The following IKZF1 variants were observed in gnomAD, a reference collection of about 807,000 sequenced individuals.
IKZF1 encodes IKAROS family zinc finger 1.
In IKZF1, 10 loss-of-function variants were observed where a neutral mutation model predicts 51.7. The observed-to-expected ratio is 0.19, with a 90% confidence interval of 0.12 to 0.33. IKZF1 has a LOEUF of 0.33. IKZF1 is among the 10% of genes least tolerant of loss of function. The pLI is 1.00. For synonymous variants in IKZF1, 280 were observed against 282.3 expected, an observed-to-expected ratio of 0.99 and a Z score of 0.08; for missense variants, 484 against 707.5, an observed-to-expected ratio of 0.68 and a Z score of 3.58.
At position 50,400,368 on chromosome 7, in the gene IKZF1, C is replaced by T. The variant is rs760920682; in HGVS notation, c.1301C>T (p.Ala434Val). The T allele has an allele frequency of 2.3e-5, 37 of 1,612,980 alleles. No individual in the cohort carries two copies. Among genetic ancestry groups the T allele is most frequent in the Non-Finnish European group, 2.5e-5 (30 of 1,179,778 alleles). The stretch of plus-strand genomic sequence containing the variant: ...CTGTCGCTCAAGGAGGAGCACCGCG[C>T]CTACGACCTGCTGCGCGCCGCCTCC... Reference protein sequence around the residue: ...NGLSLKEEHRAYDLLRAASEN... With the variant: ...NGLSLKEEHRVYDLLRAASEN... The change falls in exon 8 of 8, where the codon GCC becomes GTC. Residue 434 changes from alanine (A) to valine (V), a missense_variant. Coordinates refer to ENST00000331340, the MANE Select transcript of IKZF1 (RefSeq NM_006060.6). The surrounding 1 kb of genome is among the most constrained non-coding windows in gnomAD (Gnocchi z 5.4).
At chr7:50,351,303 A>G (rs1584692793) in intron 3 of IKZF1, among the ~76,000 whole-genome samples, 1 of 152,352 alleles carries the variant, frequency 6.6e-6, no homozygotes, top group Admixed American at 6.5e-5. Context: ...ATCATGTCTT[A>G]GTAACCTTGA....
At chr7:50,361,858 G>A (rs1028624021) in intron 3 of IKZF1, among the ~76,000 whole-genome samples, 1 of 151,998 alleles carries the variant, frequency 6.6e-6, no homozygotes, top group East Asian at 1.9e-4. Context: ...CCTGGTGACA[G>A]AGCAAGACTC....
intron 3 of IKZF1, among the ~76,000 whole-genome samples, chr7:50,340,069 C>G (rs1311525984): frequency 6.6e-6 from 1 of 152,174 alleles, no homozygotes; most frequent in East Asian, 1.9e-4. Context: ...CTCCCTGTGC[C>G]TGCAGGGGTG....
intron 3 of IKZF1, among the ~76,000 whole-genome samples, chr7:50,359,069 AG>A (rs1475188612): frequency 2.6e-5 from 4 of 152,092 alleles, no homozygotes. Context: ...AGACCAACCT[AG>A]GCAATATGGT....
rs191507255 is a variant in IKZF1 at position 50,345,797 on chromosome 7, G to A, written c.160+18040G>A. Reference sequence around the variant, plus strand: ...TCACGCCTGTAATCCCAGCACTTTGGGAGGCCGAGGCAGGAGGATCACTTG... The same window carrying A: ...TCACGCCTGTAATCCCAGCACTTTGAGAGGCCGAGGCAGGAGGATCACTTG... On this transcript the variant is annotated intron_variant, in intron 3 of 7. Transcript: ENST00000331340. 1.2e-4 allele frequency among the ~76,000 whole-genome samples: 18 copies of A among 152,302 alleles called. No homozygotes were observed. In the East Asian group the frequency reaches 3.5e-3, roughly 29 times the overall value.
intron 7 of IKZF1, among the ~76,000 whole-genome samples, chr7:50,393,658 G>A (rs763994380): frequency 2.6e-5 from 4 of 152,226 alleles, no homozygotes; most frequent in South Asian, 2.1e-4. Context: ...CCATGAGAAC[G>A]AGGGAGGCCT....
rs1817794651 is a variant in IKZF1, at chr7:50,400,224, G to A, written c.1157G>A (p.Arg386His). ...AAGGCCAAGTTGGTGCCCTCGGAGC[G>A]CGAGGCGTCCCCGAGCAACAGCTGC... ...LSKAKLVPSE[R>H]EASPSNSCQD... Residue 386 changes from arginine to histidine, a missense_variant, in exon 8 of 8, where the codon CGC becomes CAC. Arg to His is a conservative substitution (Grantham distance 29). Coordinates refer to ENST00000331340, the MANE Select transcript of IKZF1 (RefSeq NM_006060.6). The surrounding 1 kb of genome is among the most constrained non-coding windows in gnomAD (Gnocchi z 5.4). 6.3e-7 allele frequency: 1 copy of A among 1,598,686 alleles called. No individual in the cohort carries two copies. Among genetic ancestry groups the A allele is most frequent in the African/African-American group, 1.3e-5 (1 of 74,580 alleles).
At position 50,404,763 on chromosome 7, in the gene IKZF1, G is replaced by T. The variant is rs1032228944; in HGVS notation, c.*4136G>T. On this transcript the variant is annotated 3_prime_UTR_variant, in exon 8 of 8. Transcript: ENST00000331340. The stretch of plus-strand genomic sequence containing the variant: ...CTTCAGTCATTCTGTGAGTGGCCGG[G>T]CCCAGGGCCCTCACAATTTCACTAC... 2 of 229,864 alleles carry T rather than the reference G, an allele frequency of 8.7e-6. No individual in the cohort carries two copies. Among genetic ancestry groups the T allele is most frequent in the African/African-American group, 4.4e-5 (2 of 45,140 alleles). 14.2% of individuals were successfully genotyped at this position (229,864 alleles called of 1,614,324 possible). A position where few individuals can be genotyped will look rare whatever the true frequency, so the allele number is the denominator to read the frequency against.
At chr7:50,396,904 T>C (rs1441168414) in intron 7 of IKZF1, among the ~76,000 whole-genome samples, 1 of 152,236 alleles carries the variant, frequency 6.6e-6, no homozygotes, top group African/African-American at 2.4e-5. Context: ...TCTGGGGCTT[T>C]GGGCCATCTT....
At chr7:50,358,793 G>C (rs955101595) in intron 3 of IKZF1, among the ~76,000 whole-genome samples, 1 of 149,822 alleles carries the variant, frequency 6.7e-6, no homozygotes, top group African/African-American at 2.5e-5. Context: ...AGGGAAAGAA[G>C]AAAAAGAAAA....
chr7:50,399,827 C>T (rs1186441456), intron 7 of IKZF1, 91 bp from the exon 8 acceptor site: 4 of 1,501,848 alleles, frequency 2.7e-6, no homozygotes, highest in Admixed American at 2.5e-5. Flanking sequence ...TTCCCCTTCC[C>T]CTCCCCGGTT....
chr7:50,393,895 G>A lies in IKZF1; in HGVS notation c.850+2032G>A, dbSNP rs1020496768. The stretch of plus-strand genomic sequence containing the variant: ...ACTGACCTTAAGAAGCAGGGATGGC[G>A]TCCTCTGTCAGGTGAGGAGCCTGGA... On this transcript the variant is annotated intron_variant, in intron 7 of 7. Coordinates refer to ENST00000331340, the MANE Select transcript of IKZF1 (RefSeq NM_006060.6). 67 of 232,704 alleles carry A rather than the reference G, an allele frequency of 2.9e-4. No individual in the cohort carries two copies. In the East Asian group the frequency reaches 3.8e-3, roughly 13 times the overall value. The allele number at this position is 232,704 out of a possible 1,614,324, so 14.4% of individuals were successfully genotyped here. A position where few individuals can be genotyped will look rare whatever the true frequency, so the allele number is the denominator to read the frequency against.
chr7:50,372,289 T>G (rs1808920639), intron 3 of IKZF1, among the ~76,000 whole-genome samples: 1 of 152,206 alleles, frequency 6.6e-6, no homozygotes, highest in Admixed American at 6.5e-5. Context: ...TTACGGGAAA[T>G]CCACGCACTG....
intron 6 of IKZF1, among the ~76,000 whole-genome samples, chr7:50,389,500 G>T (rs1814417216): frequency 2.0e-5 from 3 of 152,204 alleles, no homozygotes; most frequent in African/African-American, 7.2e-5. Context: ...CACTCAGGAG[G>T]TATGAAAGCG....
chr7:50,343,063 TTCC>T (rs899461244), intron 3 of IKZF1, among the ~76,000 whole-genome samples: 4 of 151,646 alleles, frequency 2.6e-5, no homozygotes, highest in Non-Finnish European at 4.4e-5. Context: ...CTTTTTAATT[TTCC>T]TCCTTTCTCT....
chr7:50,311,176 A>C (rs1790075771), intron 1 of IKZF1, among the ~76,000 whole-genome samples: 1 of 152,200 alleles, frequency 6.6e-6, no homozygotes, highest in African/African-American at 2.4e-5. Context: ...GTTTGAAGAC[A>C]CCCATCAGGA....
Position 50,373,846 on chromosome 7 carries a change from G to A in IKZF1, c.161-2687G>A, listed in dbSNP as rs1001402939. Among the ~76,000 whole-genome samples the A allele has an allele frequency of 6.6e-5, 10 of 152,086 alleles. No individual in the cohort carries two copies. In the South Asian group the frequency reaches 1.2e-3, roughly 19 times the overall value. On this transcript the variant is annotated intron_variant, in intron 3 of 7. Transcript: ENST00000331340. ...AATGGTCATTAAGCACCATTGCCTC[G>A]ACAGCCAGCCAGCCTCACTTGCCTG...
chr7:50,389,462 C>T (rs1301449948), intron 6 of IKZF1, among the ~76,000 whole-genome samples: 1 of 152,202 alleles, frequency 6.6e-6, no homozygotes, highest in Non-Finnish European at 1.5e-5. Flanking sequence ...GTTACTTGGA[C>T]TACCACAGTG....
chr7:50,353,673 TC>T (rs1000647523), intron 3 of IKZF1, among the ~76,000 whole-genome samples: 4 of 152,218 alleles, frequency 2.6e-5, no homozygotes, highest in African/African-American at 9.6e-5. Flanking sequence ...CCACTTTTGC[TC>T]CAGGAAGAAT....
Sources: allele counts gnomAD v4.1 joint callset (sites outside exome capture counted in the v4.1 genomes callset), GRCh38; gene constraint gnomAD v4.1.1; non-coding constraint Gnocchi (gnomAD v3.1); transcripts MANE v1.5; gene names NCBI Gene and HGNC (gene_info 2026-07-23, HGNC 2026-07-21).